The following TRMT10A variants were observed in gnomAD, a reference collection of about 807,000 sequenced individuals.
TRMT10A encodes tRNA methyltransferase 10 homolog A.
In TRMT10A, 37 loss-of-function variants were observed where a neutral mutation model predicts 40.4. The ratio of observed to expected loss-of-function variants is 0.92; its 90% CI spans 0.71 to 1.21. The LOEUF (loss-of-function observed/expected upper bound fraction) is 1.21. TRMT10A is among the 50% of genes most tolerant of loss of function. The pLI is 0.00. For synonymous variants in TRMT10A, 103 were observed against 134.1 expected, an observed-to-expected ratio of 0.77 and a Z score of 1.60; for missense variants, 388 against 404.3, an observed-to-expected ratio of 0.96 and a Z score of 0.35.
chr4:99,555,366 G>C (rs1724125337), intron 5 of TRMT10A, among the ~76,000 whole-genome samples: 1 of 152,070 alleles, frequency 6.6e-6, no homozygotes, highest in Non-Finnish European at 1.5e-5. Context: ...AAAGGTATAG[G>C]GATAACCCAG....
intron 4 of TRMT10A, 52 bp downstream of exon 4, chr4:99,557,293 C>G: frequency 6.6e-7 from 1 of 1,520,796 alleles, no homozygotes; most frequent in Non-Finnish European, 9.0e-7. Context: ...TGTCTTTTGC[C>G]ACAAAAGACA....
Position 99,548,254 on chromosome 4 carries a change from C to T in TRMT10A, c.*834G>A, listed in dbSNP as rs2110179706. The stretch of plus-strand genomic sequence containing the variant: ...AAGAGGAGGCAGATGCACCTATAAA[C>T]TTTATTCATCTTAAGAGCCAACAAA... On this transcript the variant is annotated 3_prime_UTR_variant, in exon 8 of 8. Coordinates refer to ENST00000394876, the MANE Select transcript of TRMT10A (RefSeq NM_001134665.3). 1 of 151,000 alleles carries T rather than the reference C, an allele frequency of 6.6e-6. No homozygotes were observed. Among genetic ancestry groups the T allele is most frequent in the East Asian group, 1.9e-4 (1 of 5,156 alleles). 9.4% of individuals were successfully genotyped at this position (151,000 alleles called of 1,614,324 possible). A position where few individuals can be genotyped will look rare whatever the true frequency, so the allele number is the denominator to read the frequency against.
chr4:99,561,731 GCTTT>G (rs1466049180), intron 1 of TRMT10A, among the ~76,000 whole-genome samples: 1 of 152,124 alleles, frequency 6.6e-6, no homozygotes, highest in African/African-American at 2.4e-5. Flanking sequence ...AGGTATACTT[GCTTT>G]CTAATTGTTT....
chr4:99,549,445 A>G (rs1245826502), intron 7 of TRMT10A, 89 bp from the exon 8 acceptor site: 1 of 1,500,076 alleles, frequency 6.7e-7, no homozygotes, highest in Non-Finnish European at 9.0e-7. Flanking sequence ...CTTTGTGTTA[A>G]GAGTGCTAGT....
chr4:99,550,097 C>T (rs1350637059), intron 7 of TRMT10A, among the ~76,000 whole-genome samples: 1 of 95,996 alleles, frequency 1.0e-5, no homozygotes, highest in African/African-American at 9.3e-5. Context: ...TTATTTGCAA[C>T]AGCAAAAAGA....
chr4:99,558,349 G>A (rs1300310992), intron 2 of TRMT10A, 138 bp from the exon 3 acceptor site: 1 of 780,072 alleles, frequency 1.3e-6, no homozygotes, highest in Non-Finnish European at 2.0e-6. Flanking sequence ...TTCAAAAATG[G>A]TCAAGTATTA....
Position 99,564,015 on chromosome 4 carries a change from G to A in TRMT10A, c.-126C>T. ...CCTTCCACAGAAACTTCAATTCCCAGAGGCAGGGGCGGTAGTTACGCAGTG... is the reference window on the plus strand; with the variant it reads ...CCTTCCACAGAAACTTCAATTCCCAAAGGCAGGGGCGGTAGTTACGCAGTG... On this transcript the variant is annotated 5_prime_UTR_variant, in exon 1 of 8. Coordinates refer to ENST00000394876, the MANE Select transcript of TRMT10A (RefSeq NM_001134665.3). 1 of 1,493,960 alleles carries A rather than the reference G, an allele frequency of 6.7e-7. No individual in the cohort carries two copies. The highest frequency in any genetic ancestry group is 9.0e-7 in the Non-Finnish European group (1 of 1,109,764). 92.5% of individuals were successfully genotyped at this position (1,493,960 alleles called of 1,614,324 possible).
At chr4:99,559,562 T>C (rs1307409807) in intron 1 of TRMT10A, among the ~76,000 whole-genome samples, 1 of 152,202 alleles carries the variant, frequency 6.6e-6, no homozygotes, top group Non-Finnish European at 1.5e-5. Flanking sequence ...AAATGGGGTG[T>C]TTCATATACT....
chr4:99,562,835 G>GT (rs1161151901), intron 1 of TRMT10A, among the ~76,000 whole-genome samples: 4 of 135,016 alleles, frequency 3.0e-5, no homozygotes, highest in Non-Finnish European at 6.4e-5. Context: ...TTTCTTGTTT[G>GT]TTTGAGACGG....
chr4:99,560,619 A>T (rs965791990), intron 1 of TRMT10A, among the ~76,000 whole-genome samples: 2 of 152,210 alleles, frequency 1.3e-5, no homozygotes, highest in African/African-American at 4.8e-5. Flanking sequence ...TAAGCATTCA[A>T]TTTAAGAAAC....
chr4:99,558,556 T>A (rs75983836), intron 2 of TRMT10A, among the ~76,000 whole-genome samples: 1 of 152,106 alleles, frequency 6.6e-6, no homozygotes, highest in Non-Finnish European at 1.5e-5. Flanking sequence ...ACCTATATGA[T>A]TTTTAAGCCA....
In TRMT10A at chr4:99,559,285, C is replaced by T. The variant is rs1560603468; in HGVS notation, c.54G>A (p.Lys18=). ...AFIETSNVDK[K]QGINEDQEES... is the part of the protein sequence containing the mutation. ...CCTCTTGATCTTCATTTATGCCTTG[C>T]TTTTTGTCAACATTAGAAGTTTCAA... Residue 18 remains lysine, a synonymous_variant, in exon 2 of 8, where the codon AAG becomes AAA. Transcript: ENST00000394876. 6.2e-7 allele frequency: 1 copy of T among 1,613,004 alleles called. No individual in the cohort carries two copies. The highest frequency in any genetic ancestry group is 1.1e-5 in the South Asian group (1 of 90,956).
rs2071267931 is a variant in TRMT10A at position 99,548,265 on chromosome 4, T to C, written c.*823A>G. Reference sequence around the variant, plus strand: ...GATGCACCTATAAACTTTATTCATCTTAAGAGCCAACAAATTTAAAAAAAA... The same window carrying C: ...GATGCACCTATAAACTTTATTCATCCTAAGAGCCAACAAATTTAAAAAAAA... On this transcript the variant is annotated 3_prime_UTR_variant, in exon 8 of 8. Coordinates refer to ENST00000394876, the MANE Select transcript of TRMT10A (RefSeq NM_001134665.3). 6.7e-6 allele frequency: 1 copy of C among 149,146 alleles called. No individual in the cohort carries two copies. Among genetic ancestry groups the C allele is most frequent in the Admixed American group, 6.7e-5 (1 of 14,820 alleles). The allele number at this position is 149,146 out of a possible 1,614,324, so 9.2% of individuals were successfully genotyped here.
At chr4:99,561,530 G>A (rs142140422) in intron 1 of TRMT10A, among the ~76,000 whole-genome samples, 88 of 152,266 alleles carry the variant, frequency 5.8e-4, no homozygotes, top group African/African-American at 2.0e-3. Context: ...TAAGCCAGGT[G>A]CACTGAGACA....
chr4:99,557,843 C>T (rs1578211930), intron 3 of TRMT10A: 3 of 507,934 alleles, frequency 5.9e-6, no homozygotes, highest in Non-Finnish European at 6.8e-6. Flanking sequence ...TGCACACATA[C>T]TGACACACAC....
In TRMT10A at chr4:99,557,362, C is replaced by T; in HGVS notation, c.403G>A (p.Ala135Thr). 6.2e-7 allele frequency: 1 copy of T among 1,613,394 alleles called. No homozygotes were observed. The highest frequency in any genetic ancestry group is 8.5e-7 in the Non-Finnish European group (1 of 1,179,534). ...IQRCYAENRRALHPVQFYLTS... is the reference protein window; with the variant it reads ...IQRCYAENRRTLHPVQFYLTS... ...ACACATACCTGCACAGGATGCAGTG[C>T]CCGTCGGTTTTCTGCGTAACATCGT... Residue 135 changes from alanine to threonine, a missense_variant, in exon 4 of 8, where the codon GCA (alanine) becomes ACA (threonine). Transcript: ENST00000394876.
In TRMT10A at chr4:99,549,324, T is replaced by C. The variant is rs1467189256; in HGVS notation, c.784A>G (p.Arg262Gly). ...FEIILEYLETRDWQEAFFTIL... is the reference protein window; with the variant it reads ...FEIILEYLETGDWQEAFFTIL... ...GTAAAAAATGCTTCTTGCCAGTCTC[T>C]TGTTTCCAGGTATTCCAGAATAATT... The change falls in exon 8 of 8, where the codon AGA becomes GGA. Residue 262 changes from arginine (R) to glycine (G), a missense_variant. Arg to Gly is a moderately radical substitution (Grantham distance 125). Transcript: ENST00000394876. 1 of 1,614,044 alleles carries C rather than the reference T, an allele frequency of 6.2e-7. No homozygotes were observed. Among genetic ancestry groups the C allele is most frequent in the Non-Finnish European group, 8.5e-7 (1 of 1,179,992 alleles).
At position 99,563,986 on chromosome 4, in the gene TRMT10A, G is replaced by C. The variant is rs971108528; in HGVS notation, c.-97C>G. On this transcript the variant is annotated 5_prime_UTR_variant, in exon 1 of 8. Transcript: ENST00000394876. ...CTGGGTTGGCCTGGTTACGGCTCAC[G>C]CTTCCTTCCACAGAAACTTCAATTC... The C allele has an allele frequency of 1.4e-6, 2 of 1,386,390 alleles. No homozygotes were observed. The highest frequency in any genetic ancestry group is 9.9e-7 in the Non-Finnish European group (1 of 1,012,222). The allele number at this position is 1,386,390 out of a possible 1,614,324, so 85.9% of individuals were successfully genotyped here.
In TRMT10A at chr4:99,553,859, G is replaced by A. The variant is rs375229114; in HGVS notation, c.571C>T (p.Pro191Ser). The A allele has an allele frequency of 3.3e-5, 53 of 1,613,120 alleles. No homozygotes were observed. The highest frequency in any genetic ancestry group is 4.2e-5 in the Non-Finnish European group (50 of 1,179,524). The change falls in exon 6 of 8, where the codon CCT becomes TCT. Residue 191 changes from proline (P) to serine (S), a missense_variant. Pro to Ser is a moderately conservative substitution (Grantham distance 74). Transcript: ENST00000394876. ...EDLIYLTSDS[P>S]NILKELDESK... ...TCATCTAATTCCTTCAGTATATTAGGTGAATCTGACGTAAGGTAAATCAGG... is the reference window on the plus strand; with the variant it reads ...TCATCTAATTCCTTCAGTATATTAGATGAATCTGACGTAAGGTAAATCAGG...
Sources: allele counts gnomAD v4.1 joint callset (sites outside exome capture counted in the v4.1 genomes callset), GRCh38; gene constraint gnomAD v4.1.1; transcripts MANE v1.5; gene names NCBI Gene and HGNC (gene_info 2026-07-23, HGNC 2026-07-21).